REEP1: variants seen among roughly 807,000 people sequenced by gnomAD.
REEP1 encodes the protein receptor expression-enhancing protein 1.
A neutral mutation model predicts 40.3 loss-of-function variants in REEP1; 22 were observed. The ratio of observed to expected loss-of-function variants is 0.55; its 90% CI spans 0.39 to 0.78. The LOEUF is 0.78. Among genes scored for constraint, REEP1 ranks in the 30% least tolerant of loss-of-function variants. The pLI, the probability that REEP1 is intolerant of heterozygous loss-of-function variation, is 0.00. For synonymous variants in REEP1, 116 were observed against 139.2 expected, an observed-to-expected ratio of 0.83 and a Z score of 1.17; for missense variants, 280 against 361.1, an observed-to-expected ratio of 0.78 and a Z score of 1.82.
chr2:86,270,385 A>G (rs1677375877), intron 2 of REEP1, among the ~76,000 whole-genome samples: 3 of 152,272 alleles, frequency 2.0e-5, no homozygotes, highest in African/African-American at 7.2e-5. Context: ...TAGTAGAGAC[A>G]GGGTTTCTCC....
At chr2:86,308,328 T>C (rs537760448) in intron 1 of REEP1, among the ~76,000 whole-genome samples, 1 of 152,292 alleles carries the variant, frequency 6.6e-6, no homozygotes, top group East Asian at 1.9e-4. Flanking sequence ...CAGACCATGT[T>C]TTAAAAGGTT....
intron 2 of REEP1, among the ~76,000 whole-genome samples, chr2:86,270,549 T>C (rs1677388443): frequency 6.6e-6 from 1 of 152,050 alleles, no homozygotes. Flanking sequence ...AAAATGTGAA[T>C]ACAATGAGTG....
chr2:86,247,191 T>A (rs1259586580), intron 5 of REEP1, among the ~76,000 whole-genome samples: 1 of 152,162 alleles, frequency 6.6e-6, no homozygotes, highest in Non-Finnish European at 1.5e-5. Flanking sequence ...AGACTAGGAA[T>A]GCTGAGACAG....
At chr2:86,274,033 G>T (rs957094868) in intron 2 of REEP1, among the ~76,000 whole-genome samples, 1 of 152,162 alleles carries the variant, frequency 6.6e-6, no homozygotes, top group African/African-American at 2.4e-5. Context: ...GTTTCAAAAG[G>T]TTAAGAAAGA....
At chr2:86,228,562 A>G (rs1322692724) in intron 6 of REEP1, among the ~76,000 whole-genome samples, 1 of 151,660 alleles carries the variant, frequency 6.6e-6, no homozygotes, top group Non-Finnish European at 1.5e-5. Flanking sequence ...GGGTTCAAGC[A>G]ATTCTCCAGC....
chr2:86,252,157 G>T, intron 4 of REEP1, 87 bp from the exon 5 acceptor site: 1 of 995,416 alleles, frequency 1.0e-6, no homozygotes, highest in Non-Finnish European at 1.6e-6. Flanking sequence ...ATTGGGCTTG[G>T]CAGCTTGCCC....
In REEP1 at chr2:86,217,255, G is replaced by A. The variant is rs150575724; in HGVS notation, c.784-145C>T. 31 of 716,628 alleles carry A rather than the reference G, an allele frequency of 4.3e-5. No homozygotes were observed. In the East Asian group the frequency reaches 7.6e-4, roughly 18 times the overall value. The allele number at this position is 716,628 out of a possible 1,614,324, so 44.4% of individuals were successfully genotyped here. A position where few individuals can be genotyped will look rare whatever the true frequency, so the allele number is the denominator to read the frequency against. On this transcript the variant is annotated intron_variant, in intron 8 of 8. Transcript: ENST00000538924. ...AGGGCTGGGGTCTCCCTGAATCTCC[G>A]CAACAGGAAGCAATCATCAGAGTCC...
upstream of REEP1, chr2:86,337,648 C>G (rs868100635): frequency 9.6e-7 from 1 of 1,046,810 alleles, no homozygotes; most frequent in Non-Finnish European, 1.1e-6. This position sits in a 1 kb window ranked among gnomAD's most constrained non-coding sequence, Gnocchi z 5.8. Context: ...CCGCCCTGCC[C>G]GGCGTTCGCG....
intron 1 of REEP1, among the ~76,000 whole-genome samples, chr2:86,335,251 T>C (rs898397346): frequency 6.6e-6 from 1 of 152,214 alleles, no homozygotes; most frequent in Non-Finnish European, 1.5e-5. Flanking sequence ...AAATATTGTC[T>C]TCATGAAACA....
intron 5 of REEP1, chr2:86,239,940 GC>G (rs1675583749): frequency 1.3e-5 from 2 of 152,550 alleles, no homozygotes; most frequent in Non-Finnish European, 2.9e-5. Context: ...CAGACCACGT[GC>G]TGGTGAGCAG....
rs1558916457 is a variant in REEP1, at chr2:86,288,032, A to ATTTTTTTTTTTTTTTTTTTTT, written c.33-5791_33-5790insAAAAAAAAAAAAAAAAAAAAA. On this transcript the variant is annotated intron_variant, in intron 1 of 8. Transcript: ENST00000538924. ...TAAAATTATTTATTTTATTTTTATT[A>ATTTTTTTTTTTTTTTTTTTTT]TTTTTTTGAGATGGAGTCTCGCTCC... is the stretch of plus-strand genomic sequence containing the variant. Among the ~76,000 whole-genome samples the ATTTTTTTTTTTTTTTTTTTTT allele has an allele frequency of 3.8e-3, 571 of 149,588 alleles. 42 individuals are homozygous for ATTTTTTTTTTTTTTTTTTTTT. Among genetic ancestry groups the ATTTTTTTTTTTTTTTTTTTTT allele is most frequent in the African/African-American group, 0.014 (537 of 39,216 alleles).
chr2:86,332,604 G>A (rs943166655), intron 1 of REEP1, among the ~76,000 whole-genome samples: 1 of 152,090 alleles, frequency 6.6e-6, no homozygotes, highest in African/African-American at 2.4e-5. Context: ...CTCCAAAAAA[G>A]ATAGCGGGCT....
At chr2:86,327,893 G>A (rs922476546) in intron 1 of REEP1, among the ~76,000 whole-genome samples, 8 of 152,152 alleles carry the variant, frequency 5.3e-5, no homozygotes, top group South Asian at 2.1e-4. Flanking sequence ...TGAGATCACC[G>A]GAGGGACAGG....
intron 5 of REEP1, among the ~76,000 whole-genome samples, chr2:86,245,921 C>A (rs964978765): frequency 6.6e-6 from 1 of 152,026 alleles, no homozygotes; most frequent in Non-Finnish European, 1.5e-5. Context: ...CCCGCCACCA[C>A]GCCCGGCTAA....
intron 2 of REEP1, among the ~76,000 whole-genome samples, chr2:86,270,171 T>TTTTG (rs199623683): frequency 2.9e-3 from 313 of 109,246 alleles, no homozygotes; most frequent in Non-Finnish European, 3.8e-3. Flanking sequence ...ATCATTTTTC[T>TTTTG]TTTGTTTGTT....
Position 86,271,717 on chromosome 2 carries a change from G to C in REEP1, c.106-7676C>G, listed in dbSNP as rs147854682. 1.5e-3 allele frequency among the ~76,000 whole-genome samples: 228 copies of C among 152,322 alleles called. 2 individuals carry two copies. Among genetic ancestry groups the C allele is most frequent in the African/African-American group, 5.3e-3 (220 of 41,566 alleles). On this transcript the variant is annotated intron_variant, in intron 2 of 8. Transcript: ENST00000538924. ...GCACACTGCCAGGTTGTCTGTAGCA[G>C]CACTGACTCCTTAGCAGGGGGCAAA...
At chr2:86,324,753 G>A (rs1023975917) in intron 1 of REEP1, among the ~76,000 whole-genome samples, 1 of 152,082 alleles carries the variant, frequency 6.6e-6, no homozygotes, top group Non-Finnish European at 1.5e-5. Context: ...AGATGCAACT[G>A]TCCTCTGCCT....
rs1332112928 is a variant in REEP1, at chr2:86,216,885, T to C, written c.*154A>G. 1.6e-6 allele frequency: 1 copy of C among 613,472 alleles called. No homozygotes were observed. Among genetic ancestry groups the C allele is most frequent in the Non-Finnish European group, 2.9e-6 (1 of 348,766 alleles). 38.0% of individuals were successfully genotyped at this position (613,472 alleles called of 1,614,324 possible). On this transcript the variant is annotated 3_prime_UTR_variant, in exon 9 of 9. Coordinates refer to ENST00000538924, the MANE Select transcript of REEP1 (RefSeq NM_001371279.1). Reference sequence around the variant, plus strand: ...TAAAGAAAAGGGGGAAAAAAATAAATCCTTAAAAGTGGAAGGGGAGAGAGA... The same window carrying C: ...TAAAGAAAAGGGGGAAAAAAATAAACCCTTAAAAGTGGAAGGGGAGAGAGA...
intron 1 of REEP1, among the ~76,000 whole-genome samples, chr2:86,335,850 C>CA (rs5832681): frequency 5.2e-4 from 42 of 80,592 alleles, no homozygotes; most frequent in African/African-American, 1.9e-3. Flanking sequence ...GACTCGGTCT[C>CA]AAAAAAAAAA....
Sources: gnomAD v4.1 joint callset for allele counts (sites outside exome capture counted in the v4.1 genomes callset) on GRCh38, gnomAD v4.1.1 for gene constraint, Gnocchi (gnomAD v3.1) non-coding constraint, MANE v1.5 for transcripts, NCBI Gene and HGNC (gene_info 2026-07-23, HGNC 2026-07-21) for gene names.